The following BTD variants were observed in gnomAD, a reference collection of about 807,000 sequenced individuals.
BTD encodes the protein biotinidase, also known as biocytinase.
Under a neutral mutation model 17.7 loss-of-function variants are expected in BTD, and 13 were observed. The observed-to-expected ratio is 0.74, with a 90% CI of 0.48 to 1.17. The LOEUF is 1.17. Among genes scored for constraint, BTD ranks in the 50% most tolerant of loss-of-function variants. The pLI, the probability that BTD is intolerant of heterozygous loss-of-function variation, is 0.00. For missense variants in BTD, 674 were observed against 650.4 expected (o/e 1.04, Z -0.39); for synonymous variants, 240 against 245.2 (o/e 0.98, Z 0.20).
rs540551045 is a variant in BTD at position 15,688,413 on chromosome 3, C to T, written c.400-21647C>T. ...AGGTGGGAATACAGGCATGCGCCACCAAGTTTGGCTTTGCAAAGTGATATA... is the reference window on the plus strand; with the variant it reads ...AGGTGGGAATACAGGCATGCGCCACTAAGTTTGGCTTTGCAAAGTGATATA... On this transcript the variant is annotated intron_variant, in intron 3 of 3. Coordinates refer to the BTD transcript ENST00000672141. Among the ~76,000 whole-genome samples the T allele has an allele frequency of 2.0e-5, 3 of 152,270 alleles. No individual in the cohort carries two copies. The South Asian group carries it at 6.2e-4, about 32-fold the overall frequency.
chr3:15,614,468 G>A (rs1358425905), intron 1 of BTD, among the ~76,000 whole-genome samples: 2 of 151,462 alleles, frequency 1.3e-5, no homozygotes, highest in Admixed American at 1.3e-4. Context: ...CATCATATAT[G>A]TCTTCCATGT....
At chr3:15,630,067 G>A in intron 1 of BTD, 1 of 985,426 alleles carries the variant, frequency 1.0e-6, no homozygotes, top group Non-Finnish European at 1.2e-6. Context: ...TTTACATCCA[G>A]TCATATTGTA....
At chr3:15,695,876 CAGG>C (rs2069468523) in intron 3 of BTD, among the ~76,000 whole-genome samples, 1 of 151,962 alleles carries the variant, frequency 6.6e-6, no homozygotes, top group Admixed American at 6.6e-5. Context: ...TTTAAAGGGG[CAGG>C]AGAAGTAAAT....
intron 3 of BTD, among the ~76,000 whole-genome samples, chr3:15,695,768 T>C (rs1354534119): frequency 6.6e-6 from 1 of 152,150 alleles, no homozygotes; most frequent in East Asian, 1.9e-4. Context: ...CCTTTTGGAA[T>C]TCCCTAAATA....
intron 1 of BTD, among the ~76,000 whole-genome samples, chr3:15,613,185 A>G (rs1305772686): frequency 1.3e-5 from 2 of 152,230 alleles, no homozygotes; most frequent in Non-Finnish European, 2.9e-5. Context: ...GCACTCAAGA[A>G]AAGAGGATTA....
intron 3 of BTD, among the ~76,000 whole-genome samples, chr3:15,673,573 A>T (rs2066597760): frequency 6.6e-6 from 1 of 152,242 alleles, no homozygotes; most frequent in Non-Finnish European, 1.5e-5. Flanking sequence ...AAAAAAGAGG[A>T]AAGAGTGGAG....
chr3:15,717,002 T>C (rs561095747), downstream of BTD, among the ~76,000 whole-genome samples: 5 of 152,270 alleles, frequency 3.3e-5, no homozygotes, highest in Non-Finnish European at 7.4e-5. Flanking sequence ...CCAAATCTAC[T>C]TCATATATAT....
chr3:15,711,242 T>C (rs764442688), exon 4 of BTD: 6 of 1,612,692 alleles, frequency 3.7e-6, no homozygotes. Context: ...AGACAAGTCC[T>C]GCCAAAATCA....
intron 3 of BTD, among the ~76,000 whole-genome samples, chr3:15,681,595 G>A (rs1388217205): frequency 6.6e-6 from 1 of 152,168 alleles, no homozygotes; most frequent in East Asian, 1.9e-4. Flanking sequence ...GCCTACCAAA[G>A]TGATGTTATA....
chr3:15,632,323 C>A (rs2065234073), intron 1 of BTD, among the ~76,000 whole-genome samples: 1 of 152,234 alleles, frequency 6.6e-6, no homozygotes, highest in Non-Finnish European at 1.5e-5. Context: ...ACCCCTGACA[C>A]CTAACCCCTG....
intron 1 of BTD, among the ~76,000 whole-genome samples, chr3:15,603,795 G>A (rs1469171707): frequency 1.3e-5 from 2 of 152,198 alleles, no homozygotes; most frequent in East Asian, 3.8e-4. Context: ...AGGGGCTAAA[G>A]CCCCCATGCA....
At position 15,644,968 on chromosome 3, in the gene BTD, G is replaced by T; in HGVS notation, c.1052G>T (p.Cys351Phe). The T allele has an allele frequency of 6.2e-7, 1 of 1,614,198 alleles. No individual in the cohort carries two copies. The highest frequency in any genetic ancestry group is 8.5e-7 in the Non-Finnish European group (1 of 1,180,028). Residue 351 changes from cysteine to phenylalanine, a missense_variant, in exon 4 of 4, where the codon TGT (cysteine) becomes TTT (phenylalanine). Coordinates refer to ENST00000643237, the MANE Select transcript of BTD (RefSeq NM_001370658.1). ...AAAATTTTGTCAGGCGATCCGTACTGTGAGAAGGATGCTCAGGAAGTCCAC... is the reference window on the plus strand; with the variant it reads ...AAAATTTTGTCAGGCGATCCGTACTTTGAGAAGGATGCTCAGGAAGTCCAC... ...FLKILSGDPYCEKDAQEVHCD... is the reference protein window; with the variant it reads ...FLKILSGDPYFEKDAQEVHCD...
rs2065777833 is a variant in BTD, at chr3:15,650,144, T to TGCTTGCTG, written c.*4657_*4664dup. On this transcript the variant is annotated 3_prime_UTR_variant, in exon 4 of 4. Coordinates refer to ENST00000643237, the MANE Select transcript of BTD (RefSeq NM_001370658.1). ...GTCTTGGCTTACAAAATCTGCTCTA[T>TGCTTGCTG]GCTTGCTGACTGCTGAATGAATGAA... Among the ~76,000 whole-genome samples, 1 of 152,242 alleles carries TGCTTGCTG rather than the reference T, an allele frequency of 6.6e-6. No homozygotes were observed. Among genetic ancestry groups the TGCTTGCTG allele is most frequent in the Admixed American group, 6.5e-5 (1 of 15,290 alleles).
intron 1 of BTD, among the ~76,000 whole-genome samples, chr3:15,603,817 T>G (rs982549480): frequency 1.3e-5 from 2 of 152,224 alleles, no homozygotes; most frequent in African/African-American, 4.8e-5. Flanking sequence ...GTTCAAAATC[T>G]GGCAGGGCAG....
intron 3 of BTD, among the ~76,000 whole-genome samples, chr3:15,671,082 C>G (rs1007161643): frequency 8.5e-4 from 129 of 152,218 alleles, no homozygotes; most frequent in Non-Finnish European, 4.4e-5. Context: ...ATGAATGACA[C>G]TTAGTTGTCA....
At chr3:15,642,314 C>A (rs1470454365) in intron 3 of BTD, 6 of 1,376,822 alleles carry the variant, frequency 4.4e-6, no homozygotes, top group Non-Finnish European at 3.8e-6. Flanking sequence ...TTAAACCAAA[C>A]CAAAAGTAAA....
At chr3:15,674,254 G>C (rs1341813324) in intron 3 of BTD, among the ~76,000 whole-genome samples, 1 of 149,876 alleles carries the variant, frequency 6.7e-6, no homozygotes, top group Non-Finnish European at 1.5e-5. Flanking sequence ...AAAGGATCCA[G>C]GTCAGTCTGG....
At chr3:15,722,135 T>C (rs529857132) in exon 5 of BTD, among the ~76,000 whole-genome samples, 1 of 152,310 alleles carries the variant, frequency 6.6e-6, no homozygotes, top group South Asian at 2.1e-4. Context: ...GGTCTGTCCT[T>C]TGCCCCTGGC....
rs560390036 is a variant in BTD at position 15,648,326 on chromosome 3, G to T, written c.*2838G>T. Among the ~76,000 whole-genome samples, 1 of 152,280 alleles carries T rather than the reference G, an allele frequency of 6.6e-6. No individual in the cohort carries two copies. The highest frequency in any genetic ancestry group is 6.5e-5 in the Admixed American group (1 of 15,300). Reference sequence around the variant, plus strand: ...GCACAAAGGCCTAGATTTGAGACAAGAGCTGATGTGGCCTGAAGATCTGTG... The same window carrying T: ...GCACAAAGGCCTAGATTTGAGACAATAGCTGATGTGGCCTGAAGATCTGTG... On this transcript the variant is annotated 3_prime_UTR_variant, in exon 4 of 4. Transcript: ENST00000643237.
Sources: gnomAD v4.1 joint callset for allele counts (sites outside exome capture counted in the v4.1 genomes callset) on GRCh38, gnomAD v4.1.1 for gene constraint, MANE v1.5 for transcripts, NCBI Gene and HGNC (gene_info 2026-07-23, HGNC 2026-07-21) for gene names.